Variants in LIMD1 observed in about 807,000 individuals in gnomAD.
LIMD1 encodes the protein LIM domain containing 1.
LIMD1 carries 23 observed loss-of-function variants against 58.4 expected under a neutral mutation model. The ratio of observed to expected loss-of-function variants is 0.39; its 90% CI spans 0.28 to 0.56. The LOEUF is 0.56. LIMD1 is among the 20% of genes least tolerant of loss of function. The pLI, the probability that LIMD1 is intolerant of heterozygous loss-of-function variation, is 0.57. For synonymous variants in LIMD1, 334 were observed against 345.5 expected (o/e 0.97, Z 0.37); for missense variants, 838 against 855.5 (o/e 0.98, Z 0.25).
rs1446067922 is a variant in LIMD1 at position 45,674,385 on chromosome 3, TACCACGTGGAGTGTTACC to T, written c.1870_1887del (p.His624_His629del). ...CCGTGTCGTGTCCATGGACAGAGAC[TACCACGTGGAGTGTTACC>T]ACTGCGAGGTAGACCCCTCCCCACC... On this transcript the variant is annotated inframe_deletion, in exon 7 of 8. Transcript: ENST00000273317. 1 of 1,613,784 alleles carries T rather than the reference TACCACGTGGAGTGTTACC, an allele frequency of 6.2e-7. No individual in the cohort carries two copies. Among genetic ancestry groups the T allele is most frequent in the Non-Finnish European group, 8.5e-7 (1 of 1,179,902 alleles).
chr3:45,686,110 G>A lies in LIMD1; in HGVS notation c.*9051G>A, dbSNP rs1036154734. On this transcript the variant is annotated 3_prime_UTR_variant, in exon 8 of 8. Coordinates refer to ENST00000273317, the MANE Select transcript of LIMD1 (RefSeq NM_014240.3). ...CCCAAAGCCCCGGGTCTATCACCTTGTAATAGTCTTAAAGCCCCTGCACCT... is the reference window on the plus strand; with the variant it reads ...CCCAAAGCCCCGGGTCTATCACCTTATAATAGTCTTAAAGCCCCTGCACCT... 1.3e-5 allele frequency: 2 copies of A among 152,130 alleles called. No homozygotes were observed. Among genetic ancestry groups the A allele is most frequent in the African/African-American group, 4.8e-5 (2 of 41,408 alleles). 9.4% of individuals were successfully genotyped at this position (152,130 alleles called of 1,614,324 possible). A position where few individuals can be genotyped will look rare whatever the true frequency, so the allele number is the denominator to read the frequency against.
rs920427023 is a variant in LIMD1, at chr3:45,686,031, G to A, written c.*8972G>A. The A allele has an allele frequency of 6.6e-6, 1 of 152,168 alleles. No homozygotes were observed. The highest frequency in any genetic ancestry group is 1.5e-5 in the Non-Finnish European group (1 of 68,046). The allele number at this position is 152,168 out of a possible 1,614,324, so 9.4% of individuals were successfully genotyped here. On this transcript the variant is annotated 3_prime_UTR_variant, in exon 8 of 8. Transcript: ENST00000273317. The stretch of plus-strand genomic sequence containing the variant: ...ATCCAAGAATGCAATTAACTGATAA[G>A]ATACTGTGGCAAGCTATATCCGCAA...
chr3:45,615,963 A>C (rs1036850667), intron 1 of LIMD1, among the ~76,000 whole-genome samples: 2 of 152,092 alleles, frequency 1.3e-5, no homozygotes, highest in African/African-American at 2.4e-5. Context: ...ACTATGTCAA[A>C]GTGGCATATT....
chr3:45,604,960 G>A (rs1278177533), intron 1 of LIMD1, among the ~76,000 whole-genome samples: 1 of 152,208 alleles, frequency 6.6e-6, no homozygotes, highest in African/African-American at 2.4e-5. Context: ...GATCATTCTT[G>A]CCAGGGGTCT....
chr3:45,668,298 C>G lies in LIMD1; in HGVS notation c.1583C>G (p.Ser528Cys), dbSNP rs779640188. ...TCTTTTCTTTTTCTTCTGCAGTACT[C>G]TGGTTTCCAGCAGTCGGCTGACAGG... ...KVFCEEDFLY[S>C]GFQQSADRCF... Residue 528 changes from serine to cysteine, a missense_variant, in exon 4 of 8, where the codon TCT (serine) becomes TGT (cysteine). By Grantham distance (112) the Ser-to-Cys change is moderately radical. Around this residue, in one of 3 missense-constraint regions of LIMD1, gnomAD observed 174 missense variants for 197.4 expected, o/e 0.88. Coordinates refer to ENST00000273317, the MANE Select transcript of LIMD1 (RefSeq NM_014240.3). 25 of 1,612,294 alleles carry G rather than the reference C, an allele frequency of 1.6e-5. No individual in the cohort carries two copies. In the East Asian group the frequency reaches 5.6e-4, roughly 36 times the overall value.
intron 2 of LIMD1, among the ~76,000 whole-genome samples, chr3:45,648,268 C>G (rs879532096): frequency 6.6e-6 from 1 of 152,304 alleles, no homozygotes; most frequent in Non-Finnish European, 1.5e-5. Flanking sequence ...TCCCTCATCC[C>G]TAAGCAACCA....
chr3:45,654,155 A>G (rs1702002748), intron 2 of LIMD1, among the ~76,000 whole-genome samples: 2 of 152,222 alleles, frequency 1.3e-5, no homozygotes, highest in African/African-American at 4.8e-5. Context: ...CATGGACAGT[A>G]CAGGTAGAAG....
chr3:45,635,732 CAAAAAAAAAAAAAAA>C (rs71095045), intron 1 of LIMD1, among the ~76,000 whole-genome samples: 9 of 73,808 alleles, frequency 1.2e-4, no homozygotes, highest in Non-Finnish European at 1.9e-4. Context: ...ATCCCCGTCT[CAAAAAAAAAAAAAAA>C]AAAAAAAAAA....
chr3:45,606,703 A>G (rs1205158315), intron 1 of LIMD1, among the ~76,000 whole-genome samples: 4 of 152,192 alleles, frequency 2.6e-5, no homozygotes, highest in Admixed American at 6.5e-5. Flanking sequence ...GTGCCAGCCC[A>G]TACTTCCCTT....
At chr3:45,651,208 A>T (rs570432152) in intron 2 of LIMD1, among the ~76,000 whole-genome samples, 1 of 152,268 alleles carries the variant, frequency 6.6e-6, no homozygotes, top group African/African-American at 2.4e-5. Flanking sequence ...AATTTGTTTA[A>T]GTCCTTTGTA....
chr3:45,648,233 C>T (rs192900237), intron 2 of LIMD1, among the ~76,000 whole-genome samples: 1 of 152,290 alleles, frequency 6.6e-6, no homozygotes, highest in East Asian at 1.9e-4. Flanking sequence ...ACCTGGTACT[C>T]ATCACTTCAC....
At chr3:45,643,637 G>C (rs938544155) in intron 2 of LIMD1, among the ~76,000 whole-genome samples, 1 of 152,178 alleles carries the variant, frequency 6.6e-6, no homozygotes, top group African/African-American at 2.4e-5. Context: ...ATTCCTATTA[G>C]TTTTTCGGTG....
At chr3:45,622,859 G>C (rs1338665023) in intron 1 of LIMD1, among the ~76,000 whole-genome samples, 2 of 151,960 alleles carry the variant, frequency 1.3e-5, no homozygotes, top group African/African-American at 2.4e-5. Flanking sequence ...GTAGAGACAG[G>C]GTTTCACCAT....
chr3:45,654,159 G>A (rs1354059303), intron 2 of LIMD1, among the ~76,000 whole-genome samples: 3 of 152,140 alleles, frequency 2.0e-5, no homozygotes, highest in Non-Finnish European at 4.4e-5. Context: ...GACAGTACAG[G>A]TAGAAGTCAC....
chr3:45,638,561 C>T (rs1045137642), intron 2 of LIMD1, among the ~76,000 whole-genome samples: 1 of 152,132 alleles, frequency 6.6e-6, no homozygotes, highest in South Asian at 2.1e-4. Context: ...CTGATGGGCA[C>T]CTAGGTTGAT....
At position 45,686,012 on chromosome 3, in the gene LIMD1, G is replaced by A. The variant is rs1427482308; in HGVS notation, c.*8953G>A. ...GCAAGCTGACTCCCAGCACATCCAA[G>A]AATGCAATTAACTGATAAGATACTG... On this transcript the variant is annotated 3_prime_UTR_variant, in exon 8 of 8. Transcript: ENST00000273317. 1 of 152,218 alleles carries A rather than the reference G, an allele frequency of 6.6e-6. No homozygotes were observed. Among genetic ancestry groups the A allele is most frequent in the South Asian group, 2.1e-4 (1 of 4,824 alleles). 9.4% of individuals were successfully genotyped at this position (152,218 alleles called of 1,614,324 possible). A position where few individuals can be genotyped will look rare whatever the true frequency, so the allele number is the denominator to read the frequency against.
intron 1 of LIMD1, among the ~76,000 whole-genome samples, chr3:45,622,222 T>C (rs1364968393): frequency 6.6e-6 from 1 of 152,192 alleles, no homozygotes; most frequent in African/African-American, 2.4e-5. Flanking sequence ...CCTCCAGCCC[T>C]GGGTAAACAG....
chr3:45,596,437 C>T, intron 1 of LIMD1, 150 bp downstream of exon 1: 1 of 674,086 alleles, frequency 1.5e-6, no homozygotes, highest in Non-Finnish European at 2.5e-6. Flanking sequence ...CTTCCTCTTT[C>T]AGCTGCTTTT....
rs765847686 is a variant in LIMD1, at chr3:45,595,424, A to C, written c.545A>C (p.Asn182Thr). The change falls in exon 1 of 8, where the codon AAC becomes ACC. Residue 182 changes from asparagine (N) to threonine (T), a missense_variant. By Grantham distance (65) the Asn-to-Thr change is moderately conservative. Coordinates refer to ENST00000273317, the MANE Select transcript of LIMD1 (RefSeq NM_014240.3). ...SCLTHGDYYD[N>T]LSLASPKWGD... is the part of the protein sequence containing the mutation. ...CTCACTCATGGAGACTATTATGACA[A>C]CCTCTCCTTGGCAAGCCCAAAGTGG... 1.9e-6 allele frequency: 3 copies of C among 1,613,714 alleles called. No homozygotes were observed. The African/African-American group carries it at 4.0e-5, about 22-fold the overall frequency.
Sources: allele counts gnomAD v4.1 joint callset (sites outside exome capture counted in the v4.1 genomes callset), GRCh38; gene constraint gnomAD v4.1.1; regional missense constraint gnomAD v4.1.1; transcripts MANE v1.5; gene names NCBI Gene and HGNC (gene_info 2026-07-23, HGNC 2026-07-21).